Variants in KCNN2 observed in about 807,000 individuals in gnomAD.
KCNN2 encodes potassium calcium-activated channel subfamily N member 2, also known as small conductance calcium-activated potassium channel protein 2.
A neutral mutation model predicts 55.5 loss-of-function variants in KCNN2; 24 were observed. That is an observed-to-expected ratio of 0.43 (90% CI 0.31 to 0.61). The LOEUF is 0.61. Among genes scored for constraint, KCNN2 ranks in the 20% least tolerant of loss-of-function variants. The pLI, the probability that KCNN2 is intolerant of heterozygous loss-of-function variation, is 0.08. For missense variants in KCNN2, 754 were observed against 853.6 expected, an observed-to-expected ratio of 0.88 and a Z score of 1.45; for synonymous variants, 431 against 336.1, an observed-to-expected ratio of 1.28 and a Z score of -3.09.
chr5:114,285,283 CAAAA>C (rs70976334), intron 2 of KCNN2, among the ~76,000 whole-genome samples: 1 of 56,276 alleles, frequency 1.8e-5, no homozygotes, highest in Non-Finnish European at 3.0e-5. Flanking sequence ...ACTCCATCTC[CAAAA>C]AAAAAAAAAA....
intron 2 of KCNN2, among the ~76,000 whole-genome samples, chr5:114,278,966 C>T (rs1295977183): frequency 6.6e-6 from 1 of 152,166 alleles, no homozygotes; most frequent in Non-Finnish European, 1.5e-5. Context: ...TCCCTGGGAG[C>T]TGCAGATCGG....
rs1580921112 is a variant in KCNN2 at position 114,486,989 on chromosome 5, G to C, written c.1891-61G>C. 5 of 1,593,742 alleles carry C rather than the reference G, an allele frequency of 3.1e-6. No individual in the cohort carries two copies. In the African/African-American group the frequency reaches 4.0e-5, roughly 13 times the overall value. On this transcript the variant is annotated intron_variant, in intron 5 of 7. Transcript: ENST00000673685. ...CTTGGGATGAAGACTATGACCCCCAGCAAAGTTACAAAGGATTCTGCTCTG... is the reference window on the plus strand; with the variant it reads ...CTTGGGATGAAGACTATGACCCCCACCAAAGTTACAAAGGATTCTGCTCTG...
intron 3 of KCNN2, among the ~76,000 whole-genome samples, chr5:114,426,385 T>C (rs1759626314): frequency 6.6e-6 from 1 of 152,224 alleles, no homozygotes; most frequent in Non-Finnish European, 1.5e-5. Context: ...TATGTGTTGC[T>C]GAATTTGGTT....
In KCNN2 at chr5:114,137,289, A is replaced by G. The variant is rs982808069; in HGVS notation, c.-271+80789A>G. On this transcript the variant is annotated intron_variant, in intron 1 of 10. Transcript: ENST00000512097. ...AAAAAATAATAGTCAACCCATTCCC[A>G]TCCTTAAATATATGCAAAAAATATT... Among the ~76,000 whole-genome samples, 6 of 152,096 alleles carry G rather than the reference A, an allele frequency of 3.9e-5. No individual in the cohort carries two copies. The East Asian group carries it at 1.2e-3, about 29-fold the overall frequency.
At chr5:114,201,586 C>A (rs537663526) in intron 1 of KCNN2, among the ~76,000 whole-genome samples, 37 of 152,172 alleles carry the variant, frequency 2.4e-4, no homozygotes, top group African/African-American at 8.7e-4. Context: ...CTGCCCTGTC[C>A]CTCCTTGACC....
At chr5:114,389,290 G>A (rs919959949) in intron 2 of KCNN2, among the ~76,000 whole-genome samples, 2 of 152,104 alleles carry the variant, frequency 1.3e-5, no homozygotes, top group Admixed American at 6.6e-5. Flanking sequence ...TTCATTTGAT[G>A]TTGTCATTGG....
At chr5:114,475,598 G>C (rs1276528824) in intron 5 of KCNN2, among the ~76,000 whole-genome samples, 2 of 151,794 alleles carry the variant, frequency 1.3e-5, no homozygotes, top group Non-Finnish European at 1.5e-5. Context: ...TAAGGATCAA[G>C]AGCTAAAGAA....
chr5:114,218,999 G>C (rs1165025329), intron 1 of KCNN2, among the ~76,000 whole-genome samples: 1 of 152,174 alleles, frequency 6.6e-6, no homozygotes, highest in Non-Finnish European at 1.5e-5. Flanking sequence ...TTTGGGAACT[G>C]GCAGGAACAA....
At chr5:114,341,047 C>T (rs762594060) in intron 2 of KCNN2, among the ~76,000 whole-genome samples, 12 of 152,124 alleles carry the variant, frequency 7.9e-5, no homozygotes, top group African/African-American at 2.2e-4. Flanking sequence ...AATATTTCAT[C>T]GTCTATATGT....
At chr5:114,269,181 T>C (rs780173674) in intron 2 of KCNN2, among the ~76,000 whole-genome samples, 40 of 152,162 alleles carry the variant, frequency 2.6e-4, no homozygotes, top group Non-Finnish European at 5.6e-4. Flanking sequence ...ATTCTATAAG[T>C]GTACCAACTA....
At chr5:114,157,112 G>C (rs535723432) in intron 1 of KCNN2, among the ~76,000 whole-genome samples, 22 of 151,498 alleles carry the variant, frequency 1.5e-4, no homozygotes, top group Non-Finnish European at 2.5e-4. Flanking sequence ...CCATTGACTT[G>C]TCATTTAGCA....
Position 114,362,784 on chromosome 5 carries a change from C to T in KCNN2, c.645C>T (p.Ser215=), listed in dbSNP as rs780522410. The T allele has an allele frequency of 3.8e-6, 6 of 1,591,204 alleles. No homozygotes were observed. The Admixed American group carries it at 8.5e-5, about 22-fold the overall frequency. ...SNPFTEIAMS[S]CRYNGGVMRP... Reference sequence around the variant, plus strand: ...CCTTCACCGAAATAGCCATGAGCAGCTGCAGGTACAACGGGGGCGTCATGC... The same window carrying T: ...CCTTCACCGAAATAGCCATGAGCAGTTGCAGGTACAACGGGGGCGTCATGC... Residue 215 remains serine (S), a synonymous_variant, in exon 1 of 8, where the codon AGC becomes AGT. Transcript: ENST00000673685.
chr5:114,240,252 T>C (rs1050873325), intron 2 of KCNN2, among the ~76,000 whole-genome samples: 5 of 151,992 alleles, frequency 3.3e-5, no homozygotes, highest in Non-Finnish European at 7.4e-5. Flanking sequence ...TGAATTATAA[T>C]TATTTAATTA....
rs745574908 is a variant in KCNN2, at chr5:114,449,879, T to TACACACACACACACAC, written c.1638-13155_1638-13140dup. Among the ~76,000 whole-genome samples the TACACACACACACACAC allele has an allele frequency of 9.2e-4, 86 of 93,442 alleles. 1 individual carries two copies. The highest frequency in any genetic ancestry group is 2.3e-3 in the African/African-American group (81 of 35,000). 61.3% of individuals were successfully genotyped at this position (93,442 alleles called of 152,430 possible). A position where few individuals can be genotyped will look rare whatever the true frequency, so the allele number is the denominator to read the frequency against. ...TTAGAATAGAGTAAGCATCCAAACA[T>TACACACACACACACAC]ACACACACACACACACACACACACA... On this transcript the variant is annotated intron_variant, in intron 3 of 7. Transcript: ENST00000673685.
intron 1 of KCNN2, among the ~76,000 whole-genome samples, chr5:114,160,311 G>A (rs1291101480): frequency 4.6e-5 from 7 of 152,176 alleles, no homozygotes; most frequent in Admixed American, 2.0e-4. Context: ...TAGTTGAGCG[G>A]CTTTGAGTGA....
At chr5:114,340,260 T>C (rs1334462291) in intron 2 of KCNN2, among the ~76,000 whole-genome samples, 1 of 152,220 alleles carries the variant, frequency 6.6e-6, no homozygotes, top group African/African-American at 2.4e-5. Flanking sequence ...CAGATTGTCA[T>C]TGTTTAATTG....
At chr5:114,157,252 G>C (rs879839059) in intron 1 of KCNN2, among the ~76,000 whole-genome samples, 13 of 150,128 alleles carry the variant, frequency 8.7e-5, no homozygotes, top group Admixed American at 5.4e-4. Context: ...GAGAACATGC[G>C]GTGTTTGGCC....
intron 2 of KCNN2, among the ~76,000 whole-genome samples, chr5:114,351,134 T>C (rs1757197410): frequency 6.6e-6 from 1 of 151,852 alleles, no homozygotes; most frequent in Non-Finnish European, 1.5e-5. Context: ...TTTATTTAAA[T>C]ATTTTTTACT....
At chr5:114,084,999 T>C (rs938601122) in intron 1 of KCNN2, among the ~76,000 whole-genome samples, 1 of 151,802 alleles carries the variant, frequency 6.6e-6, no homozygotes, top group African/African-American at 2.4e-5. Context: ...CTTTATATTC[T>C]CTTCCATTGA....
Sources: gnomAD v4.1 joint callset for allele counts (sites outside exome capture counted in the v4.1 genomes callset) on GRCh38, gnomAD v4.1.1 for gene constraint, MANE v1.5 for transcripts, NCBI Gene and HGNC (gene_info 2026-07-23, HGNC 2026-07-21) for gene names.